The following SCUBE2 variants were observed in gnomAD, a reference collection of about 807,000 sequenced individuals.
SCUBE2 encodes the protein signal peptide, CUB domain and EGF like domain containing 2.
A neutral mutation model predicts 125.9 loss-of-function variants in SCUBE2; 114 were observed. The observed-to-expected ratio is 0.91, with a 90% CI of 0.78 to 1.06. SCUBE2 has a LOEUF of 1.06. Among genes scored for constraint, SCUBE2 ranks in the 50% least tolerant of loss-of-function variants. SCUBE2 has a pLI of 0.00. For missense variants in SCUBE2, 1,255 were observed against 1,301.8 expected (o/e 0.96, Z 0.55); for synonymous variants, 459 against 492.9 (o/e 0.93, Z 0.91).
chr11:9,074,432 G>C, intron 4 of SCUBE2, 49 bp downstream of exon 4: 1 of 1,606,960 alleles, frequency 6.2e-7, no homozygotes, highest in Non-Finnish European at 8.5e-7. Flanking sequence ...GTGCAAGGGA[G>C]AGGGTCTCAG....
chr11:9,067,970 T>C (rs745325092), intron 5 of SCUBE2, among the ~76,000 whole-genome samples: 15 of 147,806 alleles, frequency 1.0e-4, no homozygotes, highest in Non-Finnish European at 1.9e-4. Context: ...GATCTGGAGG[T>C]GGGAAAATGG....
intron 13 of SCUBE2, 125 bp from the exon 14 acceptor site, chr11:9,050,835 T>C (rs140858011): frequency 1.4e-6 from 1 of 740,250 alleles, no homozygotes; most frequent in East Asian, 2.5e-5. Flanking sequence ...GACCCTCTCC[T>C]ACCCTGAGGC....
Position 9,053,144 on chromosome 11 carries a change from C to G in SCUBE2, c.1402G>C (p.Asp468His). ...GAGTGACATCTGAGGAAGCACCCGT[C>G]TCCTCCACCACTCTTACCGCAGTGC... is the stretch of plus-strand genomic sequence containing the variant. ...SLHCGKSGGG[D>H]GCFLRCHSGI... Residue 468 changes from aspartate to histidine, a missense_variant, in exon 12 of 23, where the codon GAC becomes CAC. By Grantham distance (81) the Asp-to-His change is moderately conservative. This residue lies in a region of SCUBE2 where 378 missense variants were observed against 463.1 expected (regional missense o/e 0.82). Coordinates refer to ENST00000649792, the MANE Select transcript of SCUBE2 (RefSeq NM_001367977.2). 6.2e-7 allele frequency: 1 copy of G among 1,614,230 alleles called. No homozygotes were observed. Among genetic ancestry groups the G allele is most frequent in the Non-Finnish European group, 8.5e-7 (1 of 1,180,032 alleles).
chr11:9,073,676 T>C (rs565802629), intron 4 of SCUBE2, among the ~76,000 whole-genome samples: 2 of 152,296 alleles, frequency 1.3e-5, no homozygotes, highest in South Asian at 4.1e-4. Flanking sequence ...CCCCTAAAAA[T>C]AGGCAGATGC....
intron 16 of SCUBE2, among the ~76,000 whole-genome samples, chr11:9,034,115 A>G (rs1024343654): frequency 1.3e-5 from 2 of 152,186 alleles, no homozygotes; most frequent in African/African-American, 4.8e-5. Context: ...AAAATCCTGG[A>G]TCTCCCTACT....
At chr11:9,043,039 G>T (rs1435065885) in intron 16 of SCUBE2, among the ~76,000 whole-genome samples, 1 of 152,086 alleles carries the variant, frequency 6.6e-6, no homozygotes, top group Non-Finnish European at 1.5e-5. Context: ...TCCTCCAATG[G>T]CAGCATGTCA....
chr11:9,072,507 A>C (rs543646280), intron 4 of SCUBE2, among the ~76,000 whole-genome samples: 18 of 151,954 alleles, frequency 1.2e-4, no homozygotes, highest in Non-Finnish European at 1.9e-4. Flanking sequence ...CACGTCTGGC[A>C]CCACTGTGGG....
chr11:9,071,767 C>A (rs549859964), intron 4 of SCUBE2, among the ~76,000 whole-genome samples: 1 of 152,156 alleles, frequency 6.6e-6, no homozygotes, highest in Admixed American at 6.5e-5. Context: ...GGTAACAGGT[C>A]CTGCTGAAAG....
At chr11:9,053,503 A>G (rs1389785055) in intron 11 of SCUBE2, 134 bp downstream of exon 11, 8 of 1,042,826 alleles carry the variant, frequency 7.7e-6, no homozygotes, top group Non-Finnish European at 9.9e-6. Context: ...TGAACTATTT[A>G]AAGAACAGTT....
rs1027624567 is a variant in SCUBE2, at chr11:9,055,926, G to A, written c.1091-17C>T. On this transcript the variant is annotated splice_polypyrimidine_tract_variant and intron_variant, in intron 9 of 22. Transcript: ENST00000649792. The stretch of plus-strand genomic sequence containing the variant: ...CATCCACATCTGTAATGGTCAAAGG[G>A]AGAGGGGAGCTGAAACCCACTCTGA... The A allele has an allele frequency of 1.9e-6, 3 of 1,605,416 alleles. No homozygotes were observed. In the African/African-American group the frequency reaches 4.0e-5, roughly 21 times the overall value.
At chr11:9,021,785 TG>T in intron 22 of SCUBE2, 90 bp downstream of exon 22, 1 of 933,436 alleles carries the variant, frequency 1.1e-6, no homozygotes, top group Non-Finnish European at 1.8e-6. Flanking sequence ...GTCTGAAAGG[TG>T]GCAACAAGGA....
At position 9,079,453 on chromosome 11, in the gene SCUBE2, T is replaced by C. The variant is rs1861460513; in HGVS notation, c.313A>G (p.Ile105Val). The C allele has an allele frequency of 1.2e-6, 2 of 1,614,182 alleles. No individual in the cohort carries two copies. Among genetic ancestry groups the C allele is most frequent in the Middle Eastern group, 1.7e-4 (1 of 6,060 alleles). The change falls in exon 3 of 23, where the codon ATT (isoleucine) becomes GTT (valine). Residue 105 changes from isoleucine to valine, a missense_variant. Ile to Val is a conservative substitution (Grantham distance 29). Around this residue, in one of 3 missense-constraint regions of SCUBE2, gnomAD observed 362 missense variants for 323.0 expected, o/e 1.12. Transcript: ENST00000649792. Reference protein sequence around the residue: ...NGGCVHDCLNIPGNYRCTCFD... With the variant: ...NGGCVHDCLNVPGNYRCTCFD... ...CAAGTGCAACGATAATTGCCTGGAA[T>C]ATTCAAACAGTCATGGACACAGCCT...
chr11:9,070,361 A>G (rs1860671162), intron 4 of SCUBE2, among the ~76,000 whole-genome samples: 1 of 152,220 alleles, frequency 6.6e-6, no homozygotes, highest in Non-Finnish European at 1.5e-5. Flanking sequence ...GTGGTTTACC[A>G]GCATTCTGCC....
chr11:9,024,875 C>A (rs1855592158), intron 21 of SCUBE2, among the ~76,000 whole-genome samples: 1 of 152,156 alleles, frequency 6.6e-6, no homozygotes, highest in Admixed American at 6.5e-5. Context: ...GCAGCTATAA[C>A]AATATATATA....
chr11:9,057,837 C>T (rs1201451262), intron 9 of SCUBE2, among the ~76,000 whole-genome samples: 1 of 152,084 alleles, frequency 6.6e-6, no homozygotes. Context: ...CAGCCTAATT[C>T]TGAGATTTCT....
Position 9,047,433 on chromosome 11 carries a change from G to A in SCUBE2, c.1925C>T (p.Ala642Val), listed in dbSNP as rs754083356. Residue 642 changes from alanine to valine, a missense_variant, in exon 16 of 23, where the codon GCT (alanine) becomes GTT (valine). Physicochemically the swap from Ala to Val is moderately conservative, Grantham distance 64. Coordinates refer to ENST00000649792, the MANE Select transcript of SCUBE2 (RefSeq NM_001367977.2). The stretch of plus-strand genomic sequence containing the variant: ...TTCAGATGTTCTGGGAGGCTTTTTA[G>A]CCACGTCGAGGTTCATGCCTGAGAG... Reference protein sequence around the residue: ...LQLSGMNLDVAKKPPRTSERQ... With the variant: ...LQLSGMNLDVVKKPPRTSERQ... The A allele has an allele frequency of 6.2e-7, 1 of 1,614,110 alleles. No homozygotes were observed. Among genetic ancestry groups the A allele is most frequent in the Non-Finnish European group, 8.5e-7 (1 of 1,180,028 alleles).
Position 9,053,139 on chromosome 11 carries a change from C to G in SCUBE2, c.1407G>C (p.Gly469=). 1 of 1,614,200 alleles carries G rather than the reference C, an allele frequency of 6.2e-7. No individual in the cohort carries two copies. Among genetic ancestry groups the G allele is most frequent in the Non-Finnish European group, 8.5e-7 (1 of 1,180,032 alleles). ...TGCCAGAGTGACATCTGAGGAAGCA[C>G]CCGTCTCCTCCACCACTCTTACCGC... ...LHCGKSGGGD[G]CFLRCHSGIH... Residue 469 remains glycine, a synonymous_variant, in exon 12 of 23, where the codon GGG becomes GGC. Coordinates refer to ENST00000649792, the MANE Select transcript of SCUBE2 (RefSeq NM_001367977.2).
intron 9 of SCUBE2, among the ~76,000 whole-genome samples, 175 bp from the exon 10 acceptor site, chr11:9,056,084 A>G (rs892783262): frequency 1.3e-5 from 2 of 152,248 alleles, no homozygotes; most frequent in African/African-American, 2.4e-5. Context: ...GGAGCAGCCC[A>G]CAAGAAGTAT....
Position 9,091,031 on chromosome 11 carries a change from T to C in SCUBE2, c.133+365A>G, listed in dbSNP as rs951443135. On this transcript the variant is annotated intron_variant, in intron 1 of 22. Transcript: ENST00000649792. This position sits in a 1 kb window ranked among gnomAD's most constrained non-coding sequence, Gnocchi z 8.5. Reference sequence around the variant, plus strand: ...CAAAGCTGCCACCGCCTCGCGGATGTGCCCGGCCCGGCCCTCAGTTTCCCC... The same window carrying C: ...CAAAGCTGCCACCGCCTCGCGGATGCGCCCGGCCCGGCCCTCAGTTTCCCC... Among the ~76,000 whole-genome samples, 13 of 152,182 alleles carry C rather than the reference T, an allele frequency of 8.5e-5. No homozygotes were observed. Among genetic ancestry groups the C allele is most frequent in the African/African-American group, 3.1e-4 (13 of 41,462 alleles).
Sources: gnomAD v4.1 joint callset for allele counts (sites outside exome capture counted in the v4.1 genomes callset) on GRCh38, gnomAD v4.1.1 for gene constraint, gnomAD v4.1.1 regional missense constraint, Gnocchi (gnomAD v3.1) non-coding constraint, MANE v1.5 for transcripts, NCBI Gene and HGNC (gene_info 2026-07-23, HGNC 2026-07-21) for gene names.